Variants in SHOX observed in about 807,000 individuals in gnomAD.
SHOX encodes short stature homeobox protein.
SHOX carries 12 observed loss-of-function variants against 29.6 expected under a neutral mutation model. The ratio of observed to expected loss-of-function variants is 0.41; its 90% confidence interval spans 0.26 to 0.66. SHOX has a LOEUF of 0.66. Ranked by LOEUF, SHOX falls within the 30% of genes least tolerant of loss-of-function variation. The pLI, the probability that SHOX is intolerant of heterozygous loss-of-function variation, is 0.35. For missense variants in SHOX, 499 were observed against 437.7 expected, an observed-to-expected ratio of 1.14 and a Z score of -1.25; for synonymous variants, 214 against 200.6, an observed-to-expected ratio of 1.07 and a Z score of -0.57.
chrX:624,805 G>A (rs998072318), intron 1 of SHOX, among the ~76,000 whole-genome samples: 2 of 123,874 alleles, frequency 1.6e-5, no homozygotes, highest in African/African-American at 6.4e-5. Context: ...AGAAAGCTTT[G>A]CCTTCTTTCC....
At chrX:653,824 A>G (rs1446584865), downstream of SHOX, among the ~76,000 whole-genome samples, 3 of 152,128 alleles carry the variant, frequency 2.0e-5, no homozygotes, top group Non-Finnish European at 4.4e-5. Context: ...AATAGCAGAC[A>G]ATGTAGGGAT....
At chrX:655,059 G>A (rs1357405073), downstream of SHOX, among the ~76,000 whole-genome samples, 1 of 151,862 alleles carries the variant, frequency 6.6e-6, no homozygotes, top group Non-Finnish European at 1.5e-5. Context: ...CTCCAGCCTG[G>A]CTGACAGAGT....
intron 4 of SHOX, 36 bp from the exon 5 acceptor site, chrX:644,355 T>A: frequency 1.3e-6 from 2 of 1,511,120 alleles, no homozygotes; most frequent in South Asian, 2.5e-5. Context: ...CCAGTCCCCA[T>A]CCTGCGCCCT....
rs1022980800 is a variant in SHOX, at chrX:634,839, G to A, written c.486+13G>A. 2.6e-6 allele frequency: 4 copies of A among 1,549,816 alleles called. No homozygotes were observed. The highest frequency in any genetic ancestry group is 1.4e-5 in the African/African-American group (1 of 73,094). ...GGCGCGCGTGCAGGTAGGAACCCGG[G>A]GGCGGGGGCGGGGGGCCCGGAGCCA... On this transcript the variant is annotated intron_variant, in intron 2 of 4. Coordinates refer to ENST00000686671, the MANE Select transcript of SHOX (RefSeq NM_000451.4).
chrX:630,308 T>TCC (rs200482877), upstream of SHOX, among the ~76,000 whole-genome samples: 29 of 150,506 alleles, frequency 1.9e-4, no homozygotes, highest in Non-Finnish European at 2.8e-4. Context: ...GGCGCCCGGA[T>TCC]CCCCCCCTCG....
rs1569495959 is a variant in SHOX at position 650,791 on chromosome X, T to TAAAAAAAAAA, written c.*6155_*6156insAAAAAAAAAA. On this transcript the variant is annotated 3_prime_UTR_variant, in exon 5 of 5. Transcript: ENST00000686671. The stretch of plus-strand genomic sequence containing the variant: ...AGGCTTTCGGTGGACACGTTTGACA[T>TAAAAAAAAAA]TAAAAAAAAAAAAAAAAAAAAAAAA... 3.3e-5 allele frequency among the ~76,000 whole-genome samples: 1 copy of TAAAAAAAAAA among 29,870 alleles called. No homozygotes were observed. The highest frequency in any genetic ancestry group is 1.2e-4 in the African/African-American group (1 of 8,434). 19.6% of individuals were successfully genotyped at this position (29,870 alleles called of 152,430 possible). A position where few individuals can be genotyped will look rare whatever the true frequency, so the allele number is the denominator to read the frequency against.
chrX:652,340 A>ATTT (rs746162755), downstream of SHOX, among the ~76,000 whole-genome samples: 3,645 of 135,112 alleles, frequency 0.027, 87 homozygotes, highest in Non-Finnish European at 0.037. Context: ...AAAATGACAA[A>ATTT]TTTTTTTTTT....
chrX:640,776 C>G (rs761190821), intron 2 of SHOX, 45 bp from the exon 3 acceptor site: 1 of 1,609,190 alleles, frequency 6.2e-7, no homozygotes, highest in East Asian at 2.2e-5. Flanking sequence ...GGAGGCTGGG[C>G]TGGGTTCACA....
chrX:629,419 C>T (rs1402146664), upstream of SHOX, among the ~76,000 whole-genome samples: 4 of 151,666 alleles, frequency 2.6e-5, no homozygotes, highest in African/African-American at 9.7e-5. Context: ...CTCCGTCTTT[C>T]CCCCTCTGTC....
At chrX:639,807 G>T (rs954507734) in intron 2 of SHOX, among the ~76,000 whole-genome samples, 8 of 151,640 alleles carry the variant, frequency 5.3e-5, no homozygotes, top group Non-Finnish European at 4.4e-5. Context: ...TTTGAGACCA[G>T]CCTGGCCAAC....
At chrX:631,641 C>T (rs1376669211) in intron 1 of SHOX, among the ~76,000 whole-genome samples, 4 of 152,234 alleles carry the variant, frequency 2.6e-5, no homozygotes, top group Admixed American at 1.3e-4. Flanking sequence ...AAGCGATTCT[C>T]CTGCCTCAGC....
chrX:658,725 CT>C, intron 5 of SHOX: 1 of 317,416 alleles, frequency 3.2e-6, no homozygotes, highest in South Asian at 2.8e-5. Context: ...CCGCCTCAGC[CT>C]CCCAAAGTGC....
chrX:644,786 G>A lies in SHOX; in HGVS notation c.*150G>A. The A allele has an allele frequency of 9.1e-7, 1 of 1,101,390 alleles. No individual in the cohort carries two copies. Among genetic ancestry groups the A allele is most frequent in the Non-Finnish European group, 1.2e-6 (1 of 837,382 alleles). The allele number at this position is 1,101,390 out of a possible 1,614,324, so 68.2% of individuals were successfully genotyped here. On this transcript the variant is annotated 3_prime_UTR_variant, in exon 5 of 5. Transcript: ENST00000686671. Reference sequence around the variant, plus strand: ...AGCTCCTGCAAGAGGCCTGAGGAGGGAGGCTCCCGGGACCGTCCACGCACG... The same window carrying A: ...AGCTCCTGCAAGAGGCCTGAGGAGGAAGGCTCCCGGGACCGTCCACGCACG...
chrX:630,690 C>G, upstream of SHOX: 1 of 637,914 alleles, frequency 1.6e-6, no homozygotes. Context: ...TGCGTGCGTC[C>G]GCCGCGGAGC....
intron 5 of SHOX, among the ~76,000 whole-genome samples, chrX:657,999 G>A (rs1272960447): frequency 3.9e-5 from 6 of 151,970 alleles, no homozygotes; most frequent in Non-Finnish European, 5.9e-5. Context: ...TTTTGAGACA[G>A]AGTCTCACTC....
chrX:624,662 C>T (rs949208281), intron 1 of SHOX: 1 of 149,190 alleles, frequency 6.7e-6, no homozygotes, highest in African/African-American at 2.6e-5. Flanking sequence ...TCTTTCCTTT[C>T]TTCGTTCCTT....
rs1179735556 is a variant in SHOX, at chrX:631,083, C to G, written c.186C>G (p.Gly62=). 1 of 1,613,728 alleles carries G rather than the reference C, an allele frequency of 6.2e-7. No homozygotes were observed. The highest frequency in any genetic ancestry group is 1.7e-5 in the Admixed American group (1 of 60,022). The change falls in exon 1 of 5, where the codon GGC becomes GGG. Residue 62 remains glycine (G), a synonymous_variant. Transcript: ENST00000686671. ...SDSSLQDITE[G]GGHCPVHLFK... Reference sequence around the variant, plus strand: ...CCAGCCTCCAGGACATCACGGAGGGCGGCGGCCACTGCCCGGTGCATTTGT... The same window carrying G: ...CCAGCCTCCAGGACATCACGGAGGGGGGCGGCCACTGCCCGGTGCATTTGT...
rs1173043681 is a variant in SHOX at position 646,480 on chromosome X, G to A, written c.*1844G>A. The A allele has an allele frequency of 6.6e-6, 1 of 151,924 alleles. No individual in the cohort carries two copies. The highest frequency in any genetic ancestry group is 1.5e-5 in the Non-Finnish European group (1 of 67,992). The allele number at this position is 151,924 out of a possible 1,614,324, so 9.4% of individuals were successfully genotyped here. Reference sequence around the variant, plus strand: ...TTTGCATCTTTCTGGATTCAAGCTTGGTGGTTTTCTTTCCTAACTTCTGAT... The same window carrying A: ...TTTGCATCTTTCTGGATTCAAGCTTAGTGGTTTTCTTTCCTAACTTCTGAT... On this transcript the variant is annotated 3_prime_UTR_variant, in exon 5 of 5. Transcript: ENST00000686671.
intron 5 of SHOX, among the ~76,000 whole-genome samples, chrX:658,205 C>T (rs184164187): frequency 6.6e-6 from 1 of 151,962 alleles, no homozygotes; most frequent in Non-Finnish European, 1.5e-5. Flanking sequence ...GAACTCCTGA[C>T]CTCAGGTGAT....
Sources: gnomAD v4.1 joint callset for allele counts (sites outside exome capture counted in the v4.1 genomes callset) on GRCh38, gnomAD v4.1.1 for gene constraint, MANE v1.5 for transcripts, NCBI Gene and HGNC (gene_info 2026-07-23, HGNC 2026-07-21) for gene names.